The following CNBD2 variants were observed in gnomAD, a reference collection of about 807,000 sequenced individuals.
The protein encoded by CNBD2 is cyclic nucleotide-binding domain-containing protein 2.
CNBD2 carries 64 observed loss-of-function variants against 63.7 expected under a neutral mutation model. That is an observed-to-expected ratio of 1.00 (90% CI 0.82 to 1.24). The LOEUF is 1.24. CNBD2 is among the 50% of genes most tolerant of loss of function. The probability of loss-of-function intolerance (pLI) is 0.00; values close to 1 mark genes in which losing one functional copy is unlikely to be tolerated. For missense variants in CNBD2, 691 were observed against 713.5 expected (o/e 0.97, Z 0.36); for synonymous variants, 229 against 255.4 (o/e 0.90, Z 0.99).
intron 7 of CNBD2, among the ~76,000 whole-genome samples, chr20:35,989,348 C>T (rs1463870490): frequency 6.6e-6 from 1 of 152,208 alleles, no homozygotes; most frequent in East Asian, 1.9e-4. Flanking sequence ...TGGAGGGATA[C>T]AAAGATGAAA....
At chr20:35,999,527 T>C (rs934044588) in intron 8 of CNBD2, among the ~76,000 whole-genome samples, 1 of 152,218 alleles carries the variant, frequency 6.6e-6, no homozygotes, top group Admixed American at 6.5e-5. Context: ...TTAAGTGATA[T>C]TATACCACTT....
At chr20:36,030,291 G>A (rs530690082) in intron 11 of CNBD2, 66 bp from the exon 12 acceptor site, 7 of 1,494,160 alleles carry the variant, frequency 4.7e-6, no homozygotes, top group African/African-American at 4.1e-5. Context: ...AGGGGAGAGT[G>A]GCAGGAGGCA....
intron 11 of CNBD2, among the ~76,000 whole-genome samples, chr20:36,027,824 G>C (rs970388210): frequency 4.6e-5 from 7 of 151,830 alleles, no homozygotes; most frequent in African/African-American, 1.7e-4. Flanking sequence ...TACAGGCGCC[G>C]CCACCACACC....
intron 2 of CNBD2, chr20:35,974,979 C>A (rs58755600): frequency 0.055 from 8,289 of 151,468 alleles, 291 homozygotes; most frequent in South Asian, 0.19. Flanking sequence ...TTGTTCCTTT[C>A]TTTTTTTTAT....
chr20:36,014,476 C>T (rs2147342800), intron 10 of CNBD2, among the ~76,000 whole-genome samples: 2 of 151,332 alleles, frequency 1.3e-5, no homozygotes, highest in Middle Eastern at 3.4e-3. Context: ...ATTACAGGCA[C>T]ACGCCGCCAT....
chr20:35,976,439 C>G (rs921298347), intron 3 of CNBD2, among the ~76,000 whole-genome samples: 3 of 152,272 alleles, frequency 2.0e-5, no homozygotes, highest in East Asian at 3.9e-4. Context: ...GTGTCAGATA[C>G]CCTTAAAGAG....
At chr20:36,002,413 G>A (rs369399867) in intron 8 of CNBD2, among the ~76,000 whole-genome samples, 3 of 152,112 alleles carry the variant, frequency 2.0e-5, no homozygotes, top group East Asian at 1.9e-4. Flanking sequence ...GAGGGAGACC[G>A]TGGGGAGAGG....
At chr20:36,020,640 G>T (rs1012456679) in intron 10 of CNBD2, among the ~76,000 whole-genome samples, 3 of 152,138 alleles carry the variant, frequency 2.0e-5, no homozygotes, top group Admixed American at 1.3e-4. Flanking sequence ...CCACATCTGA[G>T]GATAACCCCC....
intron 10 of CNBD2, among the ~76,000 whole-genome samples, chr20:36,017,793 C>T (rs1173095622): frequency 2.0e-5 from 3 of 152,194 alleles, no homozygotes; most frequent in Non-Finnish European, 2.9e-5. Context: ...AATTTCCAGC[C>T]TTCCAGCCTA....
chr20:36,001,990 G>A (rs1441787141), intron 8 of CNBD2, among the ~76,000 whole-genome samples: 2 of 152,238 alleles, frequency 1.3e-5, no homozygotes, highest in Admixed American at 6.5e-5. Context: ...CTTCCCAGAC[G>A]GGGTGGCGGC....
At chr20:35,965,467 C>T (rs190079648), upstream of CNBD2, among the ~76,000 whole-genome samples, 4 of 152,266 alleles carry the variant, frequency 2.6e-5, no homozygotes, top group East Asian at 3.9e-4. Context: ...CATGAGCCAC[C>T]GCGCTTGGCC....
intron 8 of CNBD2, among the ~76,000 whole-genome samples, chr20:36,006,334 C>G (rs933485167): frequency 1.3e-5 from 2 of 151,960 alleles, no homozygotes; most frequent in Non-Finnish European, 2.9e-5. Flanking sequence ...GGCTGGAGAT[C>G]TCTTTTTTAA....
upstream of CNBD2, among the ~76,000 whole-genome samples, chr20:35,966,966 G>A (rs1163296839): frequency 1.3e-5 from 2 of 152,334 alleles, no homozygotes; most frequent in African/African-American, 2.4e-5. Flanking sequence ...TAGAGCAAGT[G>A]TATCTGTGTG....
chr20:35,957,219 G>T (rs2056265295), downstream of CNBD2, among the ~76,000 whole-genome samples: 1 of 152,164 alleles, frequency 6.6e-6, no homozygotes, highest in Non-Finnish European at 1.5e-5. Context: ...CCAGCCCTTT[G>T]TGGGCCGGTA....
chr20:36,010,520 C>T (rs957468029), intron 9 of CNBD2, among the ~76,000 whole-genome samples: 6 of 151,936 alleles, frequency 3.9e-5, no homozygotes, highest in Non-Finnish European at 7.4e-5. Context: ...CCTATAATCC[C>T]AGCACTCTGG....
intron 9 of CNBD2, among the ~76,000 whole-genome samples, chr20:36,009,265 G>T (rs927551788): frequency 6.6e-6 from 1 of 151,186 alleles, no homozygotes; most frequent in African/African-American, 2.4e-5. Flanking sequence ...GCAGTGGCGC[G>T]ATCTCTGCTC....
chr20:35,979,557 G>A (rs1364009884), intron 3 of CNBD2, among the ~76,000 whole-genome samples: 3 of 152,220 alleles, frequency 2.0e-5, no homozygotes, highest in Non-Finnish European at 4.4e-5. Flanking sequence ...TGTGCCCAGC[G>A]TCCACTTCTT....
intron 6 of CNBD2, 40 bp downstream of exon 6, chr20:35,984,818 G>A: frequency 7.5e-6 from 12 of 1,603,814 alleles, no homozygotes; most frequent in Non-Finnish European, 1.0e-5. Context: ...CCCCTTGTGT[G>A]TTTATTAGCT....
At chr20:35,979,437 T>C (rs924831439) in intron 3 of CNBD2, among the ~76,000 whole-genome samples, 2 of 152,252 alleles carry the variant, frequency 1.3e-5, no homozygotes, top group African/African-American at 2.4e-5. Context: ...ACAAATTTTT[T>C]TGTAGAAACA....
Sources: gnomAD v4.1 joint callset for allele counts (sites outside exome capture counted in the v4.1 genomes callset) on GRCh38, gnomAD v4.1.1 for gene constraint, MANE v1.5 for transcripts, NCBI Gene and HGNC (gene_info 2026-07-23, HGNC 2026-07-21) for gene names.